Variants in WNT6 observed in about 807,000 individuals in gnomAD.
The protein encoded by WNT6 is protein Wnt-6.
Under a neutral mutation model 33.1 loss-of-function variants are expected in WNT6, and 27 were observed. The observed-to-expected ratio is 0.82, with a 90% CI of 0.60 to 1.12. The LOEUF (loss-of-function observed/expected upper bound fraction) is 1.12. Among genes scored for constraint, WNT6 ranks in the 50% most tolerant of loss-of-function variants. The pLI is 0.00. For missense variants in WNT6, 494 were observed against 535.3 expected, an observed-to-expected ratio of 0.92 and a Z score of 0.76; for synonymous variants, 249 against 242.8, an observed-to-expected ratio of 1.03 and a Z score of -0.24.
At chr2:218,863,301 C>G (rs1256937122) in intron 1 of WNT6, among the ~76,000 whole-genome samples, 1 of 152,202 alleles carries the variant, frequency 6.6e-6, no homozygotes, top group Non-Finnish European at 1.5e-5. Flanking sequence ...GAATCCTGGC[C>G]AGGTCAGAGC....
Position 218,859,888 on chromosome 2 carries a change from G to A in WNT6, c.-150G>A, listed in dbSNP as rs1352064068. 4.9e-6 allele frequency: 2 copies of A among 412,086 alleles called. No homozygotes were observed. Among genetic ancestry groups the A allele is most frequent in the East Asian group, 2.0e-4 (2 of 10,084 alleles). The allele number at this position is 412,086 out of a possible 1,614,324, so 25.5% of individuals were successfully genotyped here. A position where few individuals can be genotyped will look rare whatever the true frequency, so the allele number is the denominator to read the frequency against. On this transcript the variant is annotated 5_prime_UTR_variant, in exon 1 of 4. Transcript: ENST00000233948. Reference sequence around the variant, plus strand: ...CCTCCGCCGCGCCCTCCTCGCCCGGGATGGGCCCCCCCGCCGCCGCCGGAT... The same window carrying A: ...CCTCCGCCGCGCCCTCCTCGCCCGGAATGGGCCCCCCCGCCGCCGCCGGAT...
chr2:218,861,656 C>T (rs1279734845), intron 1 of WNT6, among the ~76,000 whole-genome samples: 2 of 152,186 alleles, frequency 1.3e-5, no homozygotes, highest in African/African-American at 2.4e-5. Flanking sequence ...TCCCCATAAA[C>T]GCCTAACTTT....
In WNT6 at chr2:218,873,826, A is replaced by G; in HGVS notation, c.1079A>G (p.Glu360Gly). The change falls in exon 4 of 4, where the codon GAG (glutamate) becomes GGG (glycine). Residue 360 changes from glutamate (E) to glycine (G), a missense_variant. Physicochemically the swap from Glu to Gly is moderately conservative, Grantham distance 98. Coordinates refer to ENST00000233948, the MANE Select transcript of WNT6 (RefSeq NM_006522.4). This position sits in a 1 kb window ranked among gnomAD's most constrained non-coding sequence, Gnocchi z 6.1. ...VQCHRCRVRK[E>G]LSLCL ...TGCCACCGCTGCCGTGTGCGCAAGG[A>G]GCTCAGCCTCTGCCTGTGACCCGCC... 3.9e-6 allele frequency: 6 copies of G among 1,525,694 alleles called. No individual in the cohort carries two copies. Among genetic ancestry groups the G allele is most frequent in the Non-Finnish European group, 5.3e-6 (6 of 1,141,674 alleles). The allele number at this position is 1,525,694 out of a possible 1,614,324, so 94.5% of individuals were successfully genotyped here. A position where few individuals can be genotyped will look rare whatever the true frequency, so the allele number is the denominator to read the frequency against.
At position 218,871,393 on chromosome 2, in the gene WNT6, C is replaced by T. The variant is rs1406132562; in HGVS notation, c.302-92C>T. 2.0e-6 allele frequency: 3 copies of T among 1,502,590 alleles called. No homozygotes were observed. The highest frequency in any genetic ancestry group is 1.4e-5 in the African/African-American group (1 of 72,506). 93.1% of individuals were successfully genotyped at this position (1,502,590 alleles called of 1,614,324 possible). On this transcript the variant is annotated intron_variant, in intron 2 of 3. Coordinates refer to ENST00000233948, the MANE Select transcript of WNT6 (RefSeq NM_006522.4). The surrounding 1 kb of genome is among the most constrained non-coding windows in gnomAD (Gnocchi z 6.4). ...CCCTGCAAGGACCCTGCCTCCCAGG[C>T]CCCTGGGGCAGCCCTCCCGCCGCAG...
chr2:218,863,554 A>T (rs193255905), intron 1 of WNT6, among the ~76,000 whole-genome samples: 1 of 152,172 alleles, frequency 6.6e-6, no homozygotes. Flanking sequence ...ATGCTTTCTA[A>T]ACTCTGTCTC....
intron 3 of WNT6, among the ~76,000 whole-genome samples, chr2:218,872,888 C>T (rs937273209): frequency 2.6e-5 from 4 of 152,132 alleles, no homozygotes; most frequent in Non-Finnish European, 5.9e-5. Flanking sequence ...GAGGAATGTC[C>T]GGACAGGCCC....
In WNT6 at chr2:218,860,005, C is replaced by A. The variant is rs1944291388; in HGVS notation, c.-33C>A. On this transcript the variant is annotated 5_prime_UTR_variant, in exon 1 of 4. Transcript: ENST00000233948. ...CGCGGTTCGCCCCGCAGCCTCGCCC[C>A]CTGCCCACCCGGGCGGCCGTAGGGC... 2 of 1,417,686 alleles carry A rather than the reference C, an allele frequency of 1.4e-6. No individual in the cohort carries two copies. The highest frequency in any genetic ancestry group is 2.6e-5 in the Admixed American group (1 of 38,004). The allele number at this position is 1,417,686 out of a possible 1,614,324, so 87.8% of individuals were successfully genotyped here.
intron 1 of WNT6, among the ~76,000 whole-genome samples, chr2:218,861,191 A>T (rs769087645): frequency 6.6e-6 from 1 of 152,116 alleles, no homozygotes; most frequent in Non-Finnish European, 1.5e-5. Flanking sequence ...AGGGAGTAGG[A>T]TGCCCACACA....
At chr2:218,864,098 C>A (rs1575222997) in intron 1 of WNT6, among the ~76,000 whole-genome samples, 1 of 152,166 alleles carries the variant, frequency 6.6e-6, no homozygotes, top group Non-Finnish European at 1.5e-5. Flanking sequence ...CCGCTCTGCT[C>A]CTTGCTCCGG....
intron 1 of WNT6, among the ~76,000 whole-genome samples, chr2:218,861,846 T>TG (rs1944312680): frequency 6.6e-6 from 1 of 152,176 alleles, no homozygotes; most frequent in East Asian, 1.9e-4. Flanking sequence ...TCACATACAT[T>TG]GGGCAACTAT....
rs764769863 is a variant in WNT6 at position 218,871,564 on chromosome 2, C to A, written c.381C>A (p.Gly127=). The change falls in exon 3 of 4, where the codon GGC becomes GGA. Residue 127 remains glycine (G), a synonymous_variant. Transcript: ENST00000233948. The surrounding 1 kb of genome is among the most constrained non-coding windows in gnomAD (Gnocchi z 6.4). The part of the protein sequence containing the change: ...SHAVTQACSM[G]ELLQCGCQAP... ...CCGTCACGCAGGCCTGTTCTATGGG[C>A]GAGCTGCTGCAGTGCGGCTGCCAGG... is the stretch of plus-strand genomic sequence containing the variant. 3 of 1,574,608 alleles carry A rather than the reference C, an allele frequency of 1.9e-6. No individual in the cohort carries two copies. The highest frequency in any genetic ancestry group is 2.6e-6 in the Non-Finnish European group (3 of 1,169,460).
At position 218,873,759 on chromosome 2, in the gene WNT6, G is replaced by A. The variant is rs914366914; in HGVS notation, c.1012G>A (p.Glu338Lys). Residue 338 changes from glutamate to lysine, a missense_variant, in exon 4 of 4, where the codon GAG becomes AAG. Glu to Lys is a moderately conservative substitution (Grantham distance 56, BLOSUM62 1). Coordinates refer to ENST00000233948, the MANE Select transcript of WNT6 (RefSeq NM_006522.4). This position sits in a 1 kb window ranked among gnomAD's most constrained non-coding sequence, Gnocchi z 6.1. ...GHRQESVQLE[E>K]NCLCRFHWCC... is the part of the protein sequence containing the mutation. ...CCGCCAGGAGAGCGTGCAGCTCGAA[G>A]AGAACTGCCTGTGCCGCTTCCACTG... 1 of 1,586,152 alleles carries A rather than the reference G, an allele frequency of 6.3e-7. No individual in the cohort carries two copies. Among genetic ancestry groups the A allele is most frequent in the South Asian group, 1.1e-5 (1 of 88,318 alleles).
rs1158754265 is a variant in WNT6 at position 218,871,546 on chromosome 2, G to T, written c.363G>T (p.Thr121=). The T allele has an allele frequency of 8.8e-6, 14 of 1,598,722 alleles. No individual in the cohort carries two copies. The highest frequency in any genetic ancestry group is 1.1e-5 in the Non-Finnish European group (13 of 1,179,330). The change falls in exon 3 of 4, where the codon ACG becomes ACT. Residue 121 remains threonine (T), a synonymous_variant. Transcript: ENST00000233948. This position sits in a 1 kb window ranked among gnomAD's most constrained non-coding sequence, Gnocchi z 6.4. ...CGGCCGGCGCCAGCCACGCCGTCAC[G>T]CAGGCCTGTTCTATGGGCGAGCTGC... ...ITAAGASHAV[T]QACSMGELLQ...
intron 1 of WNT6, among the ~76,000 whole-genome samples, chr2:218,869,159 C>T (rs1220988709): frequency 6.6e-6 from 1 of 152,124 alleles, no homozygotes; most frequent in African/African-American, 2.4e-5. Flanking sequence ...CATTGAGAGA[C>T]ATCTGATTCC....
Position 218,867,392 on chromosome 2 carries a change from C to G in WNT6, c.81-3635C>G, listed in dbSNP as rs918933783. Among the ~76,000 whole-genome samples the G allele has an allele frequency of 2.0e-5, 3 of 152,148 alleles. No homozygotes were observed. Among genetic ancestry groups the G allele is most frequent in the African/African-American group, 7.2e-5 (3 of 41,416 alleles). Reference sequence around the variant, plus strand: ...ATGGAAAGGTAGGTTAGGCCAGAAACCTAGGACATCCAGGGCTTAGGTCTA... The same window carrying G: ...ATGGAAAGGTAGGTTAGGCCAGAAAGCTAGGACATCCAGGGCTTAGGTCTA... On this transcript the variant is annotated intron_variant, in intron 1 of 3. Coordinates refer to ENST00000233948, the MANE Select transcript of WNT6 (RefSeq NM_006522.4). This position sits in a 1 kb window ranked among gnomAD's most constrained non-coding sequence, Gnocchi z 4.9.
chr2:218,872,367 G>C (rs1944410262), intron 3 of WNT6, among the ~76,000 whole-genome samples: 1 of 152,202 alleles, frequency 6.6e-6, no homozygotes, highest in African/African-American at 2.4e-5. Flanking sequence ...AATCCTAGTG[G>C]AGGTTGGAGG....
At position 218,873,331 on chromosome 2, in the gene WNT6, C is replaced by T. The variant is rs1233317800; in HGVS notation, c.637-53C>T. On this transcript the variant is annotated intron_variant, in intron 3 of 3. Transcript: ENST00000233948. The surrounding 1 kb of genome is among the most constrained non-coding windows in gnomAD (Gnocchi z 6.1). ...TTATTTTCTGTCCATCCGCTGGGCC[C>T]TTCCCTGCACCCCCTACCTGTCCAC... The T allele has an allele frequency of 1.3e-6, 2 of 1,485,156 alleles. No homozygotes were observed. The highest frequency in any genetic ancestry group is 2.6e-5 in the East Asian group (1 of 39,150). The allele number at this position is 1,485,156 out of a possible 1,614,324, so 92.0% of individuals were successfully genotyped here. A position where few individuals can be genotyped will look rare whatever the true frequency, so the allele number is the denominator to read the frequency against.
chr2:218,863,832 A>G (rs971765535), intron 1 of WNT6, among the ~76,000 whole-genome samples: 2 of 152,204 alleles, frequency 1.3e-5, no homozygotes, highest in South Asian at 2.1e-4. Context: ...CCTGGGTGAC[A>G]GAGCAAGACT....
At chr2:218,866,042 G>A (rs937458911) in intron 1 of WNT6, among the ~76,000 whole-genome samples, 2 of 151,012 alleles carry the variant, frequency 1.3e-5, no homozygotes, top group South Asian at 4.2e-4. Flanking sequence ...TAATTACCGA[G>A]TTAGACAGAG....
Sources: allele counts gnomAD v4.1 joint callset (sites outside exome capture counted in the v4.1 genomes callset), GRCh38; gene constraint gnomAD v4.1.1; non-coding constraint Gnocchi (gnomAD v3.1); transcripts MANE v1.5; gene names NCBI Gene and HGNC (gene_info 2026-07-23, HGNC 2026-07-21).